Variants in FNIP2 observed in about 807,000 individuals in gnomAD.
The protein encoded by FNIP2 is folliculin-interacting protein 2.
Under a neutral mutation model 108.7 loss-of-function variants are expected in FNIP2, and 32 were observed. The observed-to-expected ratio is 0.29, with a 90% CI of 0.22 to 0.40. The LOEUF is 0.40. Ranked by LOEUF, FNIP2 falls within the 10% of genes least tolerant of loss-of-function variation. The pLI is 1.00. For synonymous variants in FNIP2, 480 were observed against 496.7 expected (o/e 0.97, Z 0.45); for missense variants, 1,202 against 1,381.6 (o/e 0.87, Z 2.06).
rs1233617274 is a variant in FNIP2, at chr4:158,895,832, G to C, written c.3233G>C (p.Arg1078Pro). Residue 1078 changes from arginine to proline, a missense_variant, in exon 16 of 17, where the codon CGA becomes CCA. Arg to Pro is a moderately radical substitution (Grantham distance 103, BLOSUM62 -2). This residue lies in a region of FNIP2 where 142 missense variants were observed against 183.8 expected (regional missense o/e 0.77). Transcript: ENST00000264433. Reference protein sequence around the residue: ...MLSEYLRGHTRVHVKELGVVL... With the variant: ...MLSEYLRGHTPVHVKELGVVL... ...TCTGAATATCTCCGGGGACACACACGAGTCCATGTGAAAGAATTAGGTGTC... is the reference window on the plus strand; with the variant it reads ...TCTGAATATCTCCGGGGACACACACCAGTCCATGTGAAAGAATTAGGTGTC... 1 of 1,612,990 alleles carries C rather than the reference G, an allele frequency of 6.2e-7. No homozygotes were observed. Among genetic ancestry groups the C allele is most frequent in the Admixed American group, 1.7e-5 (1 of 59,858 alleles).
At chr4:158,882,296 C>T (rs982360277) in intron 14 of FNIP2, among the ~76,000 whole-genome samples, 2 of 151,248 alleles carry the variant, frequency 1.3e-5, no homozygotes, top group African/African-American at 2.4e-5. Context: ...AAGTGAGGAG[C>T]GTCTCCGCCC....
At chr4:158,793,779 G>A (rs1439799593) in intron 1 of FNIP2, among the ~76,000 whole-genome samples, 4 of 152,194 alleles carry the variant, frequency 2.6e-5, no homozygotes, top group African/African-American at 9.7e-5. Flanking sequence ...TGGACACTCA[G>A]ATTCCAGCTT....
chr4:158,840,449 G>T (rs1046119514), intron 7 of FNIP2, among the ~76,000 whole-genome samples: 3 of 152,032 alleles, frequency 2.0e-5, no homozygotes, highest in Admixed American at 6.6e-5. Flanking sequence ...AGGCTGGAGT[G>T]CAGTGGCGCA....
chr4:158,894,336 G>GTAATTTTT lies in FNIP2; in HGVS notation c.3151-1405_3151-1398dup, dbSNP rs570694974. Among the ~76,000 whole-genome samples the GTAATTTTT allele has an allele frequency of 2.3e-4, 35 of 151,942 alleles. No individual in the cohort carries two copies. In the East Asian group the frequency reaches 6.4e-3, roughly 28 times the overall value. On this transcript the variant is annotated intron_variant, in intron 15 of 16. Transcript: ENST00000264433. ...CAGGTGTGTGGGCCACTATGCCCAG[G>GTAATTTTT]TAATTTTTTAATTTTTGTAGAGACA...
rs1037601990 is a variant in FNIP2, at chr4:158,904,628, C to A, written c.*84C>A. 3 of 1,209,114 alleles carry A rather than the reference C, an allele frequency of 2.5e-6. No individual in the cohort carries two copies. The highest frequency in any genetic ancestry group is 1.5e-5 in the African/African-American group (1 of 66,500). 74.9% of individuals were successfully genotyped at this position (1,209,114 alleles called of 1,614,324 possible). A position where few individuals can be genotyped will look rare whatever the true frequency, so the allele number is the denominator to read the frequency against. Reference sequence around the variant, plus strand: ...GAAAGGAATAAGCTCTCTGTGATGTCAAAAGCATGAGAAGAGCAAACAGAA... The same window carrying A: ...GAAAGGAATAAGCTCTCTGTGATGTAAAAAGCATGAGAAGAGCAAACAGAA... On this transcript the variant is annotated 3_prime_UTR_variant, in exon 17 of 17. Transcript: ENST00000264433.
intron 15 of FNIP2, among the ~76,000 whole-genome samples, chr4:158,894,438 C>G (rs1578995246): frequency 1.3e-5 from 2 of 152,170 alleles, no homozygotes; most frequent in African/African-American, 4.8e-5. Flanking sequence ...TCCCAAAGTG[C>G]TAGGATTACA....
chr4:158,771,522 T>C (rs1228625509), intron 1 of FNIP2, among the ~76,000 whole-genome samples: 5 of 152,222 alleles, frequency 3.3e-5, no homozygotes, highest in Non-Finnish European at 7.3e-5. Context: ...AGGTGCCTTA[T>C]TGCAGGGCAT....
chr4:158,806,352 G>T lies in FNIP2; in HGVS notation c.108-19564G>T, dbSNP rs947517048. 4.7e-6 allele frequency: 6 copies of T among 1,289,250 alleles called. No individual in the cohort carries two copies. In the African/African-American group the frequency reaches 7.6e-5, roughly 16 times the overall value. 79.9% of individuals were successfully genotyped at this position (1,289,250 alleles called of 1,614,324 possible). On this transcript the variant is annotated intron_variant, in intron 1 of 16. Coordinates refer to ENST00000264433, the MANE Select transcript of FNIP2 (RefSeq NM_020840.3). The stretch of plus-strand genomic sequence containing the variant: ...CTGGTGCTGGGAGGATTTACAGGGC[G>T]CTTTTATGCACAAAGATTAAAAAAC...
intron 16 of FNIP2, among the ~76,000 whole-genome samples, chr4:158,901,868 T>C (rs942492618): frequency 1.5e-4 from 23 of 151,986 alleles, no homozygotes; most frequent in African/African-American, 5.6e-4. Context: ...AAGCTAGTTA[T>C]TCTAGTTAGC....
chr4:158,810,358 G>A (rs1389839888), intron 1 of FNIP2, among the ~76,000 whole-genome samples: 1 of 152,106 alleles, frequency 6.6e-6, no homozygotes, highest in African/African-American at 2.4e-5. Flanking sequence ...TAAATGGTTG[G>A]GTGTGACTCT....
At chr4:158,774,340 T>TA (rs1775792532) in intron 1 of FNIP2, among the ~76,000 whole-genome samples, 1 of 152,232 alleles carries the variant, frequency 6.6e-6, no homozygotes, top group Non-Finnish European at 1.5e-5. Flanking sequence ...GAATTTGTGT[T>TA]ACTTTTGTGA....
intron 1 of FNIP2, among the ~76,000 whole-genome samples, chr4:158,785,886 G>C (rs1473903996): frequency 2.6e-5 from 4 of 152,048 alleles, no homozygotes; most frequent in African/African-American, 9.7e-5. Flanking sequence ...GGTCATATCT[G>C]ATTTACTCAG....
At chr4:158,846,402 G>A (rs1779407806) in intron 7 of FNIP2, among the ~76,000 whole-genome samples, 1 of 152,004 alleles carries the variant, frequency 6.6e-6, no homozygotes, top group African/African-American at 2.4e-5. Flanking sequence ...ACTGAGGTGT[G>A]GTACTTTATT....
At chr4:158,869,518 T>A in intron 13 of FNIP2, 90 bp downstream of exon 13, 1 of 1,425,918 alleles carries the variant, frequency 7.0e-7, no homozygotes, top group Non-Finnish European at 9.2e-7. Context: ...CCACTACTAT[T>A]GTCTGCTTTA....
chr4:158,790,207 G>GA (rs1578826496), intron 1 of FNIP2, among the ~76,000 whole-genome samples: 1 of 150,896 alleles, frequency 6.6e-6, no homozygotes, highest in Admixed American at 6.6e-5. Context: ...TCCAAAATCT[G>GA]AAAAAACGCC....
At chr4:158,781,946 G>A (rs979933306) in intron 1 of FNIP2, among the ~76,000 whole-genome samples, 3 of 151,930 alleles carry the variant, frequency 2.0e-5, no homozygotes, top group Middle Eastern at 3.2e-3. Flanking sequence ...TTTCTTGCAA[G>A]TTTGTCTGAA....
chr4:158,852,676 A>G (rs960878134), intron 8 of FNIP2, among the ~76,000 whole-genome samples: 1 of 152,126 alleles, frequency 6.6e-6, no homozygotes, highest in African/African-American at 2.4e-5. Context: ...GGCCAATGTG[A>G]ATTATTTACT....
chr4:158,802,438 G>T (rs1776794845), intron 1 of FNIP2, among the ~76,000 whole-genome samples: 1 of 151,806 alleles, frequency 6.6e-6, no homozygotes, highest in African/African-American at 2.4e-5. Context: ...ATTATTGCAA[G>T]ATTCATTAAA....
At chr4:158,861,549 A>G in intron 11 of FNIP2, 58 bp from the exon 12 acceptor site, 16 of 1,613,614 alleles carry the variant, frequency 9.9e-6, no homozygotes, top group Non-Finnish European at 1.4e-5. Flanking sequence ...TGTACTGCAT[A>G]GGATGTGCCT....
Sources: allele counts gnomAD v4.1 joint callset (sites outside exome capture counted in the v4.1 genomes callset), GRCh38; gene constraint gnomAD v4.1.1; regional missense constraint gnomAD v4.1.1; transcripts MANE v1.5; gene names NCBI Gene and HGNC (gene_info 2026-07-23, HGNC 2026-07-21).